Variants in BEND5 observed in about 807,000 individuals in gnomAD.
The protein encoded by BEND5 is BEN domain-containing protein 5.
BEND5 carries 22 observed loss-of-function variants against 43.9 expected under a neutral mutation model. The ratio of observed to expected loss-of-function variants is 0.50; its 90% CI spans 0.36 to 0.72. BEND5 has a LOEUF of 0.72. Ranked by LOEUF, BEND5 falls within the 30% of genes least tolerant of loss-of-function variation. The pLI is 0.00. For synonymous variants in BEND5, 228 were observed against 225.9 expected, an observed-to-expected ratio of 1.01 and a Z score of -0.08; for missense variants, 428 against 550.6, an observed-to-expected ratio of 0.78 and a Z score of 2.23.
chr1:48,766,044 A>C (rs1644512842), intron 1 of BEND5, among the ~76,000 whole-genome samples: 1 of 152,204 alleles, frequency 6.6e-6, no homozygotes, highest in Non-Finnish European at 1.5e-5. Flanking sequence ...ACTCACTTGC[A>C]CACACTTTAA....
intron 3 of BEND5, among the ~76,000 whole-genome samples, chr1:48,756,254 A>G (rs1643919247): frequency 6.6e-6 from 1 of 152,244 alleles, no homozygotes; most frequent in African/African-American, 2.4e-5. Flanking sequence ...TTCAGGCTTC[A>G]GCCTAAAAGT....
intron 4 of BEND5, among the ~76,000 whole-genome samples, chr1:48,741,492 T>C (rs1405591510): frequency 6.6e-6 from 1 of 152,216 alleles, no homozygotes; most frequent in East Asian, 1.9e-4. Context: ...CAAGGCAGAA[T>C]GGGCCTGTGG....
intron 1 of BEND5, among the ~76,000 whole-genome samples, chr1:48,764,052 G>A (rs1644409657): frequency 6.6e-6 from 1 of 152,142 alleles, no homozygotes; most frequent in African/African-American, 2.4e-5. Flanking sequence ...TGGCCCGGGG[G>A]ACACAGATGA....
chr1:48,740,295 T>A (rs1428410825), intron 4 of BEND5, among the ~76,000 whole-genome samples: 1 of 152,154 alleles, frequency 6.6e-6, no homozygotes, highest in Non-Finnish European at 1.5e-5. Flanking sequence ...AACAGACTGG[T>A]GAGAGTACTG....
At position 48,776,824 on chromosome 1, in the gene BEND5, G is replaced by C. The variant is rs1557984217; in HGVS notation, c.8C>G (p.Ala3Gly). 2.7e-6 allele frequency: 4 copies of C among 1,507,052 alleles called. No individual in the cohort carries two copies. Among genetic ancestry groups the C allele is most frequent in the Non-Finnish European group, 3.5e-6 (4 of 1,129,682 alleles). The allele number at this position is 1,507,052 out of a possible 1,614,324, so 93.4% of individuals were successfully genotyped here. A position where few individuals can be genotyped will look rare whatever the true frequency, so the allele number is the denominator to read the frequency against. MY[A>G]FVRFLEDNVC... Reference sequence around the variant, plus strand: ...GTTGTCCTCCAGGAACCGCACAAAGGCGTACATGGTGGGCGCCGGGGGCGG... The same window carrying C: ...GTTGTCCTCCAGGAACCGCACAAAGCCGTACATGGTGGGCGCCGGGGGCGG... Residue 3 changes from alanine to glycine, a missense_variant, in exon 1 of 6, where the codon GCC becomes GGC. Transcript: ENST00000371833.
At chr1:48,767,919 A>G (rs565280584) in intron 1 of BEND5, among the ~76,000 whole-genome samples, 2 of 152,340 alleles carry the variant, frequency 1.3e-5, no homozygotes, top group South Asian at 2.1e-4. Flanking sequence ...ATACTGAGTG[A>G]GCACCTACTA....
chr1:48,776,676 C>G lies in BEND5; in HGVS notation c.156G>C (p.Glu52Asp). 6.6e-7 allele frequency: 1 copy of G among 1,506,958 alleles called. No individual in the cohort carries two copies. The highest frequency in any genetic ancestry group is 2.8e-5 in the East Asian group (1 of 35,736). The allele number at this position is 1,506,958 out of a possible 1,614,324, so 93.3% of individuals were successfully genotyped here. A position where few individuals can be genotyped will look rare whatever the true frequency, so the allele number is the denominator to read the frequency against. The change falls in exon 1 of 6, where the codon GAG becomes GAC. Residue 52 changes from glutamate to aspartate, a missense_variant. By Grantham distance (45) the Glu-to-Asp change is conservative. Coordinates refer to ENST00000371833, the MANE Select transcript of BEND5 (RefSeq NM_024603.4). ...RGPEELGAGP[E>D]SPPRAPRDWG... ...AGTCGCGGGGGGCGCGCGGGGGGCT[C>G]TCGGGCCCGGCGCCCAATTCCTCCG...
intron 1 of BEND5, among the ~76,000 whole-genome samples, chr1:48,775,889 C>G (rs1645054607): frequency 6.6e-6 from 1 of 152,214 alleles, no homozygotes; most frequent in African/African-American, 2.4e-5. Context: ...TCAACTCTCT[C>G]ATTCAGGGAG....
chr1:48,752,898 C>T (rs755348927), intron 3 of BEND5, among the ~76,000 whole-genome samples: 23 of 152,192 alleles, frequency 1.5e-4, no homozygotes, highest in East Asian at 3.9e-4. Flanking sequence ...TACAGGCACG[C>T]GCCCCCATGC....
rs189104953 is a variant in BEND5 at position 48,753,092 on chromosome 1, C to T, written c.745+5808G>A. 2.6e-5 allele frequency among the ~76,000 whole-genome samples: 4 copies of T among 152,322 alleles called. No individual in the cohort carries two copies. In the East Asian group the frequency reaches 7.7e-4, roughly 29 times the overall value. On this transcript the variant is annotated intron_variant, in intron 3 of 5. Coordinates refer to ENST00000371833, the MANE Select transcript of BEND5 (RefSeq NM_024603.4). The stretch of plus-strand genomic sequence containing the variant: ...CCATAATAGCTGATACTATCATTCA[C>T]TCTCTTGTACAGATGAGGAAACTAA...
At chr1:48,764,952 A>G (rs1019900055) in intron 1 of BEND5, among the ~76,000 whole-genome samples, 1 of 151,802 alleles carries the variant, frequency 6.6e-6, no homozygotes, top group Non-Finnish European at 1.5e-5. Flanking sequence ...GATGGGTGAC[A>G]CTCCCCATCT....
At position 48,759,239 on chromosome 1, in the gene BEND5, C is replaced by G. The variant is rs750979533; in HGVS notation, c.406G>C (p.Glu136Gln). The stretch of plus-strand genomic sequence containing the variant: ...TTCTCTAGCCGAGCCACCACTGCCT[C>G]GATGCTCTTGTGCGCCACTTCGCTC... ...KPSEVAHKSI[E>Q]AVVARLEKQN... Residue 136 changes from glutamate (E) to glutamine (Q), a missense_variant, in exon 3 of 6, where the codon GAG becomes CAG. Coordinates refer to ENST00000371833, the MANE Select transcript of BEND5 (RefSeq NM_024603.4). 6.3e-7 allele frequency: 1 copy of G among 1,591,788 alleles called. No individual in the cohort carries two copies. The highest frequency in any genetic ancestry group is 1.8e-5 in the Admixed American group (1 of 56,530).
intron 5 of BEND5, among the ~76,000 whole-genome samples, chr1:48,733,407 C>T (rs1040353056): frequency 6.6e-6 from 1 of 152,090 alleles, no homozygotes; most frequent in Non-Finnish European, 1.5e-5. Flanking sequence ...AGGTGTGATG[C>T]CTCAAAACTG....
At chr1:48,758,749 ACT>A (rs1428409837) in intron 3 of BEND5, 149 bp downstream of exon 3, 2 of 631,192 alleles carry the variant, frequency 3.2e-6, no homozygotes, top group Non-Finnish European at 5.1e-6. Context: ...GTGGGGAGTG[ACT>A]CTTCCTTGAG....
At chr1:48,762,022 T>C (rs1644280143) in intron 1 of BEND5, among the ~76,000 whole-genome samples, 2 of 152,184 alleles carry the variant, frequency 1.3e-5, no homozygotes, top group African/African-American at 4.8e-5. Context: ...GAATAACATT[T>C]ATCCCCTTTT....
chr1:48,744,232 C>T (rs1185905956), intron 3 of BEND5, among the ~76,000 whole-genome samples: 1 of 152,168 alleles, frequency 6.6e-6, no homozygotes, highest in Admixed American at 6.5e-5. Context: ...GTCCCCAGCA[C>T]CTGGGGCTGA....
chr1:48,734,814 T>C (rs1288115327), intron 5 of BEND5, among the ~76,000 whole-genome samples: 1 of 152,262 alleles, frequency 6.6e-6, no homozygotes, highest in Non-Finnish European at 1.5e-5. Context: ...CCTGAAGTTA[T>C]CGAGCTTGTT....
At chr1:48,776,330 A>T (rs1054721427) in intron 1 of BEND5, among the ~76,000 whole-genome samples, 6 of 152,238 alleles carry the variant, frequency 3.9e-5, no homozygotes, top group Non-Finnish European at 5.9e-5. Context: ...AAGAATCAGA[A>T]AGAGGAGGAC....
chr1:48,774,498 GA>G (rs1644983385), intron 1 of BEND5, among the ~76,000 whole-genome samples: 1 of 152,048 alleles, frequency 6.6e-6, no homozygotes, highest in Non-Finnish European at 1.5e-5. Flanking sequence ...CTCCTCCCAA[GA>G]AAAAAACTGA....
Sources: allele counts gnomAD v4.1 joint callset (sites outside exome capture counted in the v4.1 genomes callset), GRCh38; gene constraint gnomAD v4.1.1; transcripts MANE v1.5; gene names NCBI Gene and HGNC (gene_info 2026-07-23, HGNC 2026-07-21).